Variants in VPS53 observed in about 807,000 individuals in gnomAD.
VPS53 encodes the protein vacuolar protein sorting-associated protein 53 homolog.
Under a neutral mutation model 107.0 loss-of-function variants are expected in VPS53, and 70 were observed. That is an observed-to-expected ratio of 0.65 (90% CI 0.54 to 0.80). The LOEUF (loss-of-function observed/expected upper bound fraction) is 0.80, where lower values mean the gene tolerates loss of function less well. Among genes scored for constraint, VPS53 ranks in the 30% least tolerant of loss-of-function variants. The pLI, the probability that VPS53 is intolerant of heterozygous loss-of-function variation, is 0.00. For missense variants in VPS53, 917 were observed against 1,049.4 expected, an observed-to-expected ratio of 0.87 and a Z score of 1.74; for synonymous variants, 409 against 393.3, an observed-to-expected ratio of 1.04 and a Z score of -0.47.
At chr17:665,623 TAAGGGCTCAGAAGAAAAGCAGA>T (rs1297245726) in intron 4 of VPS53, among the ~76,000 whole-genome samples, 1 of 152,148 alleles carries the variant, frequency 6.6e-6, no homozygotes, top group Non-Finnish European at 1.5e-5. Context: ...GGGATTCTGC[TAAGGGCTCAGAAGAAAAGCAGA>T]AATGTAGAGA....
At chr17:597,962 C>CTCTCCCTCTCCCCACAG (rs1555561889) in intron 12 of VPS53, among the ~76,000 whole-genome samples, 3 of 141,308 alleles carry the variant, frequency 2.1e-5, no homozygotes, top group Admixed American at 7.0e-5. Context: ...CTCCCTCTCC[C>CTCTCCCTCTCCCCACAG]TCTCCCTCTC....
intron 4 of VPS53, among the ~76,000 whole-genome samples, chr17:691,118 A>C (rs1255067107): frequency 6.6e-6 from 1 of 152,222 alleles, no homozygotes; most frequent in Non-Finnish European, 1.5e-5. Context: ...TGGAAATTGC[A>C]TTATAAAGAT....
intron 4 of VPS53, among the ~76,000 whole-genome samples, chr17:692,907 G>A (rs183688127): frequency 3.3e-5 from 5 of 152,140 alleles, no homozygotes; most frequent in Middle Eastern, 3.4e-3. Flanking sequence ...AGGCCGAGGC[G>A]GGCGGACCAT....
intron 12 of VPS53, among the ~76,000 whole-genome samples, chr17:599,561 G>C (rs894984428): frequency 2.7e-5 from 4 of 150,026 alleles, no homozygotes; most frequent in African/African-American, 9.8e-5. Context: ...CAGCATGCTC[G>C]TTAAGAGTCA....
rs145442364 is a variant in VPS53 at position 539,625 on chromosome 17, G to A, written c.1867-2449C>T. ...GAGGCAGGAGGGTCACTGGAGCCCA[G>A]AAGGTTGGGGCTGCAGGGAGCTGTG... On this transcript the variant is annotated intron_variant, in intron 17 of 21. Transcript: ENST00000437048. Among the ~76,000 whole-genome samples the A allele has an allele frequency of 3.0e-3, 456 of 152,322 alleles. 3 individuals are homozygous for A. The highest frequency in any genetic ancestry group is 0.01 in the African/African-American group (434 of 41,574).
chr17:557,050 G>A (rs562400825), intron 15 of VPS53, among the ~76,000 whole-genome samples: 1 of 152,034 alleles, frequency 6.6e-6, no homozygotes, highest in Non-Finnish European at 1.5e-5. Flanking sequence ...ACGGGGTTTT[G>A]CCATGTTGAC....
intron 15 of VPS53, among the ~76,000 whole-genome samples, chr17:555,322 C>T (rs1281904541): frequency 1.3e-5 from 2 of 152,222 alleles, no homozygotes; most frequent in Non-Finnish European, 2.9e-5. Context: ...ATGGCCTGCT[C>T]AGCCCTGCTG....
Position 537,064 on chromosome 17 carries a change from C to A in VPS53, c.1979G>T (p.Arg660Leu). ...PIIRDNLAST[R>L]KYFTQFCVKF... ...AACGCAGAACTGAGTGAAGTACTTG[C>A]GTGTGGAAGCCAGGTTGTCACGGAT... Residue 660 changes from arginine (R) to leucine (L), a missense_variant, in exon 18 of 22, where the codon CGC becomes CTC. By Grantham distance (102) the Arg-to-Leu change is moderately radical. Transcript: ENST00000437048. 2 of 1,614,152 alleles carry A rather than the reference C, an allele frequency of 1.2e-6. No individual in the cohort carries two copies. The highest frequency in any genetic ancestry group is 4.5e-5 in the East Asian group (2 of 44,878).
chr17:539,721 G>A (rs995332476), intron 17 of VPS53, among the ~76,000 whole-genome samples: 1 of 152,134 alleles, frequency 6.6e-6, no homozygotes, highest in Non-Finnish European at 1.5e-5. Context: ...CTGAAGGTTT[G>A]GGTCACAACC....
chr17:653,849 A>G (rs1296630571), intron 6 of VPS53, among the ~76,000 whole-genome samples: 1 of 152,222 alleles, frequency 6.6e-6, no homozygotes, highest in Non-Finnish European at 1.5e-5. Flanking sequence ...ATTACAGCCT[A>G]TGAGCAAACC....
chr17:547,140 G>A (rs1287846087), intron 17 of VPS53, among the ~76,000 whole-genome samples: 1 of 152,110 alleles, frequency 6.6e-6, no homozygotes, highest in Non-Finnish European at 1.5e-5. Context: ...GCCTCCCAAC[G>A]TGCTGGGATT....
intron 4 of VPS53, among the ~76,000 whole-genome samples, chr17:684,832 C>T (rs1317529242): frequency 6.6e-6 from 1 of 151,818 alleles, no homozygotes; most frequent in African/African-American, 2.4e-5. Context: ...CTAAAGAATA[C>T]AAAAAATTAG....
chr17:708,588 G>A (rs1367714603), intron 2 of VPS53, among the ~76,000 whole-genome samples: 1 of 152,132 alleles, frequency 6.6e-6, no homozygotes, highest in African/African-American at 2.4e-5. Flanking sequence ...GGCCCCCCAC[G>A]AGAGCTGGTG....
intron 4 of VPS53, among the ~76,000 whole-genome samples, chr17:663,145 G>C (rs1183883206): frequency 6.6e-6 from 1 of 152,158 alleles, no homozygotes; most frequent in African/African-American, 2.4e-5. Context: ...CAAGGCTGCA[G>C]TGAACTGTGA....
At chr17:644,932 T>C (rs1267199109) in intron 7 of VPS53, among the ~76,000 whole-genome samples, 1 of 152,184 alleles carries the variant, frequency 6.6e-6, no homozygotes, top group Non-Finnish European at 1.5e-5. Flanking sequence ...CTACACAAAA[T>C]TATTGCAAAT....
intron 13 of VPS53, among the ~76,000 whole-genome samples, chr17:583,095 C>T (rs914412971): frequency 1.4e-5 from 2 of 147,374 alleles, no homozygotes; most frequent in African/African-American, 2.5e-5. Flanking sequence ...CAACCTAATG[C>T]GTTCCCAAAG....
chr17:578,946 G>A (rs1327193345), intron 13 of VPS53, among the ~76,000 whole-genome samples: 3 of 147,252 alleles, frequency 2.0e-5, no homozygotes, highest in African/African-American at 5.1e-5. Flanking sequence ...AACCTAAGGC[G>A]TTCCCAAAGA....
chr17:521,478 C>T (rs1597239825), intron 20 of VPS53, 123 bp downstream of exon 20: 2 of 1,169,838 alleles, frequency 1.7e-6, no homozygotes, highest in East Asian at 6.1e-5. Context: ...CCAGTCCAGC[C>T]CAAGAATGTG....
intron 4 of VPS53, among the ~76,000 whole-genome samples, chr17:689,957 G>T (rs1972722217): frequency 6.6e-6 from 1 of 152,138 alleles, no homozygotes; most frequent in Non-Finnish European, 1.5e-5. Flanking sequence ...TCAAGACATG[G>T]GAAGATGAAG....
Sources: gnomAD v4.1 joint callset for allele counts (sites outside exome capture counted in the v4.1 genomes callset) on GRCh38, gnomAD v4.1.1 for gene constraint, MANE v1.5 for transcripts, NCBI Gene and HGNC (gene_info 2026-07-23, HGNC 2026-07-21) for gene names.